Variants in CCDC171 observed in about 807,000 individuals in gnomAD.
CCDC171 encodes coiled-coil domain-containing protein 171.
A neutral mutation model predicts 168.2 loss-of-function variants in CCDC171; 177 were observed. The observed-to-expected ratio is 1.05, with a 90% CI of 0.93 to 1.19. The LOEUF (loss-of-function observed/expected upper bound fraction) is 1.19. CCDC171 is among the 50% of genes most tolerant of loss of function. The probability of loss-of-function intolerance (pLI) is 0.00; values close to 1 mark genes in which losing one functional copy is unlikely to be tolerated. For missense variants in CCDC171, 1,991 were observed against 1,539.0 expected (o/e 1.29, Z -4.91); for synonymous variants, 687 against 540.8 (o/e 1.27, Z -3.75).
downstream of CCDC171, among the ~76,000 whole-genome samples, chr9:16,064,244 G>A (rs566238355): frequency 7.2e-5 from 11 of 152,240 alleles, no homozygotes; most frequent in South Asian, 6.2e-4. Flanking sequence ...CAGTGAGGCC[G>A]TTTTTTCCCC....
At chr9:15,870,705 G>A (rs2061998490) in intron 23 of CCDC171, among the ~76,000 whole-genome samples, 1 of 151,462 alleles carries the variant, frequency 6.6e-6, no homozygotes, top group African/African-American at 2.4e-5. Flanking sequence ...GGGATTTATA[G>A]CTGTGCATGA....
chr9:15,798,780 G>A (rs2058678584), intron 21 of CCDC171, among the ~76,000 whole-genome samples: 2 of 152,104 alleles, frequency 1.3e-5, no homozygotes, highest in Admixed American at 6.5e-5. Flanking sequence ...AATATTGACT[G>A]TGTAGTTTTT....
Position 15,816,221 on chromosome 9 carries a change from C to T in CCDC171, c.3268-30481C>T, listed in dbSNP as rs1181095845. 1.7e-5 allele frequency among the ~76,000 whole-genome samples: 2 copies of T among 117,030 alleles called. 1 individual carries two copies. Among genetic ancestry groups the T allele is most frequent in the African/African-American group, 6.4e-5 (2 of 31,366 alleles). The allele number at this position is 117,030 out of a possible 152,430, so 76.8% of individuals were successfully genotyped here. A position where few individuals can be genotyped will look rare whatever the true frequency, so the allele number is the denominator to read the frequency against. On this transcript the variant is annotated intron_variant, in intron 21 of 25. Coordinates refer to ENST00000380701, the MANE Select transcript of CCDC171 (RefSeq NM_173550.4). The stretch of plus-strand genomic sequence containing the variant: ...AAATTAGAGTTTTTTTGAGTACTAA[C>T]CTTTGATTAGATCATATTTTAAAAT...
chr9:15,955,196 G>C (rs2132539392), intron 25 of CCDC171, among the ~76,000 whole-genome samples: 1 of 152,100 alleles, frequency 6.6e-6, no homozygotes, highest in Non-Finnish European at 1.5e-5. Context: ...ACCTTTCCCT[G>C]GGCTTGTGTG....
intron 4 of CCDC171, among the ~76,000 whole-genome samples, chr9:15,580,544 A>T (rs1054890856): frequency 2.6e-5 from 4 of 152,152 alleles, no homozygotes; most frequent in African/African-American, 9.7e-5. Context: ...AAAAAAACAA[A>T]TAATCCCATC....
At chr9:15,935,329 C>T (rs1338279829) in intron 25 of CCDC171, among the ~76,000 whole-genome samples, 2 of 151,972 alleles carry the variant, frequency 1.3e-5, no homozygotes, top group Admixed American at 6.6e-5. Flanking sequence ...ATTGACTCAC[C>T]TCAAAGCTTT....
chr9:15,768,684 C>T (rs1331235948), intron 18 of CCDC171, among the ~76,000 whole-genome samples: 2 of 152,044 alleles, frequency 1.3e-5, no homozygotes, highest in African/African-American at 2.4e-5. Flanking sequence ...GTATTTATAT[C>T]GAGTTGTTTT....
At position 15,971,667 on chromosome 9, in the gene CCDC171, A is replaced by G. The variant is rs765588374; in HGVS notation, c.3812A>G (p.Asp1271Gly). Residue 1271 changes from aspartate (D) to glycine (G), a missense_variant, in exon 26 of 26, where the codon GAC becomes GGC. Transcript: ENST00000380701. The part of the protein sequence containing the change: ...SIPSRAPLPA[D>G]TTGIGDFLPL... ...CCTTCAAGAGCTCCTCTTCCTGCTG[A>G]CACAACTGGTATTGGGGATTTCTTA... 1 of 1,613,888 alleles carries G rather than the reference A, an allele frequency of 6.2e-7. No homozygotes were observed. Among genetic ancestry groups the G allele is most frequent in the South Asian group, 1.1e-5 (1 of 91,070 alleles).
At chr9:15,822,575 C>G (rs1436416716) in intron 21 of CCDC171, among the ~76,000 whole-genome samples, 1 of 152,088 alleles carries the variant, frequency 6.6e-6, no homozygotes, top group Admixed American at 6.6e-5. Flanking sequence ...CCAAAAAACA[C>G]ATGAAAAAAT....
chr9:16,064,706 A>G (rs1833973293), downstream of CCDC171, among the ~76,000 whole-genome samples: 1 of 152,180 alleles, frequency 6.6e-6, no homozygotes, highest in South Asian at 2.1e-4. Context: ...ACCTCTTATC[A>G]TCTTAGCAGA....
Position 15,721,948 on chromosome 9 carries a change from A to G in CCDC171, c.1425+73A>G, listed in dbSNP as rs985778320. 3 of 618,894 alleles carry G rather than the reference A, an allele frequency of 4.8e-6. No homozygotes were observed. The African/African-American group carries it at 5.7e-5, about 12-fold the overall frequency. The allele number at this position is 618,894 out of a possible 1,614,324, so 38.3% of individuals were successfully genotyped here. On this transcript the variant is annotated intron_variant, in intron 12 of 25. Coordinates refer to ENST00000380701, the MANE Select transcript of CCDC171 (RefSeq NM_173550.4). ...CCAGTACGTATTCCTTGCTTGTTACAAAGGTCAAAAAGATTGGGAATGTTG... is the reference window on the plus strand; with the variant it reads ...CCAGTACGTATTCCTTGCTTGTTACGAAGGTCAAAAAGATTGGGAATGTTG...
intron 21 of CCDC171, among the ~76,000 whole-genome samples, chr9:15,803,593 G>C (rs1190131563): frequency 6.6e-6 from 1 of 151,666 alleles, no homozygotes; most frequent in Non-Finnish European, 1.5e-5. Context: ...TTTATTTCTG[G>C]GTTCTTTATT....
chr9:15,933,375 T>A (rs1826746553), intron 25 of CCDC171, among the ~76,000 whole-genome samples: 1 of 151,902 alleles, frequency 6.6e-6, no homozygotes, highest in South Asian at 2.1e-4. Flanking sequence ...TTCTTTTTAA[T>A]CTCTGATATT....
intron 6 of CCDC171, among the ~76,000 whole-genome samples, chr9:15,622,603 A>G (rs1040881637): frequency 1.3e-5 from 2 of 152,332 alleles, no homozygotes; most frequent in East Asian, 1.9e-4. Flanking sequence ...ACTGTGGAGA[A>G]TGCCTTTGAT....
chr9:16,003,251 A>G (rs1024012388), intron 3 of CCDC171, among the ~76,000 whole-genome samples: 3 of 152,218 alleles, frequency 2.0e-5, no homozygotes, highest in African/African-American at 4.8e-5. Context: ...CTCTCGAATA[A>G]TATCCACATT....
intron 23 of CCDC171, among the ~76,000 whole-genome samples, chr9:15,859,649 T>C (rs535031468): frequency 7.1e-6 from 1 of 140,250 alleles, no homozygotes; most frequent in East Asian, 2.5e-4. Flanking sequence ...TTTGTTTTGT[T>C]TTGTTTTGTT....
At chr9:16,086,420 G>C in the CCDC171 span, among the ~76,000 whole-genome samples, 24 of 151,386 alleles carry the variant, frequency 1.6e-4, no homozygotes, top group Admixed American at 9.9e-4. Context: ...TGATTCTCCT[G>C]CCTCAGCCTC....
At chr9:16,078,385 T>C in the CCDC171 span, among the ~76,000 whole-genome samples, 1 of 152,064 alleles carries the variant, frequency 6.6e-6, no homozygotes, top group South Asian at 2.1e-4. Context: ...AGAACATTGC[T>C]TATGGTCGGT....
chr9:15,632,388 G>C (rs1000384345), intron 7 of CCDC171, among the ~76,000 whole-genome samples: 1 of 151,886 alleles, frequency 6.6e-6, no homozygotes, highest in Non-Finnish European at 1.5e-5. Flanking sequence ...CAGACAAACA[G>C]AGAGCCAAAT....
Sources: allele counts gnomAD v4.1 joint callset (sites outside exome capture counted in the v4.1 genomes callset), GRCh38; gene constraint gnomAD v4.1.1; transcripts MANE v1.5; gene names NCBI Gene and HGNC (gene_info 2026-07-23, HGNC 2026-07-21).